Variants in UBE2G1 observed in about 807,000 individuals in gnomAD.
The protein encoded by UBE2G1 is ubiquitin-conjugating enzyme E2 G1.
Under a neutral mutation model 22.7 loss-of-function variants are expected in UBE2G1, and 5 were observed. The ratio of observed to expected loss-of-function variants is 0.22; its 90% CI spans 0.12 to 0.46. The LOEUF is 0.46. Among genes scored for constraint, UBE2G1 ranks in the 20% least tolerant of loss-of-function variants. The pLI, the probability that UBE2G1 is intolerant of heterozygous loss-of-function variation, is 0.99. For synonymous variants in UBE2G1, 74 were observed against 67.5 expected (o/e 1.10, Z -0.47); for missense variants, 88 against 203.9 (o/e 0.43, Z 3.46).
intron 5 of UBE2G1, among the ~76,000 whole-genome samples, chr17:4,273,121 C>T (rs574351903): frequency 1.3e-5 from 2 of 152,342 alleles, no homozygotes; most frequent in East Asian, 1.9e-4. Flanking sequence ...GGCCTCGTAT[C>T]ATCCAGTTAG....
chr17:4,294,640 G>A (rs977865092), intron 3 of UBE2G1, among the ~76,000 whole-genome samples: 5 of 152,102 alleles, frequency 3.3e-5, no homozygotes, highest in Non-Finnish European at 4.4e-5. Context: ...GGCCTGGCGT[G>A]GTAGCTAATG....
intron 1 of UBE2G1, among the ~76,000 whole-genome samples, chr17:4,360,253 AG>A (rs1481419014): frequency 3.3e-5 from 5 of 152,212 alleles, no homozygotes; most frequent in African/African-American, 1.2e-4. Flanking sequence ...TCTAAAAAAA[AG>A]GTTTCAATAA....
chr17:4,363,203 A>G (rs1597270253), intron 1 of UBE2G1, among the ~76,000 whole-genome samples: 2 of 152,232 alleles, frequency 1.3e-5, no homozygotes, highest in East Asian at 1.9e-4. Context: ...TTACATTTCA[A>G]TTAAAATTCA....
At chr17:4,283,741 G>A (rs1598179343) in intron 4 of UBE2G1, among the ~76,000 whole-genome samples, 1 of 152,196 alleles carries the variant, frequency 6.6e-6, no homozygotes, top group Non-Finnish European at 1.5e-5. Flanking sequence ...GGAAAGGGAA[G>A]AGCAGGAGAG....
At chr17:4,351,771 A>T (rs943813014) in intron 1 of UBE2G1, among the ~76,000 whole-genome samples, 1 of 152,206 alleles carries the variant, frequency 6.6e-6, no homozygotes, top group Admixed American at 6.5e-5. Flanking sequence ...CTAGGGTGAA[A>T]GAGTATCAAG....
intron 1 of UBE2G1, among the ~76,000 whole-genome samples, chr17:4,327,519 C>CA (rs1446331523): frequency 6.6e-6 from 1 of 151,900 alleles, no homozygotes; most frequent in Non-Finnish European, 1.5e-5. Context: ...AAGTCAAACT[C>CA]AGAGAGAGAA....
intron 5 of UBE2G1, among the ~76,000 whole-genome samples, chr17:4,280,252 G>C (rs1968871173): frequency 6.6e-6 from 1 of 150,464 alleles, no homozygotes; most frequent in African/African-American, 2.5e-5. Context: ...GGCCAGGCTG[G>C]TCTTGAACTC....
intron 1 of UBE2G1, among the ~76,000 whole-genome samples, chr17:4,360,587 A>T (rs1487932322): frequency 2.0e-5 from 3 of 152,264 alleles, no homozygotes; most frequent in African/African-American, 7.2e-5. Context: ...ATATGGAAAT[A>T]TCACAACATA....
intron 1 of UBE2G1, among the ~76,000 whole-genome samples, chr17:4,362,419 T>C (rs1005350912): frequency 1.3e-5 from 2 of 152,158 alleles, no homozygotes; most frequent in Non-Finnish European, 2.9e-5. Context: ...TACTGGCATC[T>C]AGTGGGTGAA....
At position 4,366,524 on chromosome 17, in the gene UBE2G1, C is replaced by G. The variant is rs1466166151; in HGVS notation, c.-208G>C. 1 of 442,708 alleles carries G rather than the reference C, an allele frequency of 2.3e-6. No homozygotes were observed. Among genetic ancestry groups the G allele is most frequent in the Admixed American group, 4.5e-5 (1 of 22,114 alleles). 27.4% of individuals were successfully genotyped at this position (442,708 alleles called of 1,614,324 possible). On this transcript the variant is annotated 5_prime_UTR_variant, in exon 1 of 6. Transcript: ENST00000396981. ...CAGCTCTTTTCACAGCGACTCACGC[C>G]CGGAAGGGGAGGGTGCCCGGGCTGC...
chr17:4,291,602 C>CT (rs1201002149), intron 3 of UBE2G1, among the ~76,000 whole-genome samples: 1 of 152,086 alleles, frequency 6.6e-6, no homozygotes, highest in Admixed American at 6.5e-5. Flanking sequence ...AGGATCTTTA[C>CT]ATTTTTAACC....
At chr17:4,344,071 G>C (rs1333798220) in intron 1 of UBE2G1, among the ~76,000 whole-genome samples, 4 of 152,134 alleles carry the variant, frequency 2.6e-5, no homozygotes, top group African/African-American at 7.2e-5. Context: ...TTCTAAAACA[G>C]CACTAAGTCC....
rs57051928 is a variant in UBE2G1, at chr17:4,330,976, C to CCACACA, written c.47-23859_47-23854dup. Among the ~76,000 whole-genome samples the CCACACA allele has an allele frequency of 2.3e-3, 335 of 143,656 alleles. 1 individual carries two copies. The highest frequency in any genetic ancestry group is 0.017 in the Middle Eastern group (5 of 290). The allele number at this position is 143,656 out of a possible 152,430, so 94.2% of individuals were successfully genotyped here. On this transcript the variant is annotated intron_variant, in intron 1 of 5. Transcript: ENST00000396981. The stretch of plus-strand genomic sequence containing the variant: ...TAATTACTCTTATAAACCTTTAAAA[C>CCACACA]CACACACACACACACACACACACAC...
intron 1 of UBE2G1, among the ~76,000 whole-genome samples, chr17:4,343,416 A>T (rs1468052385): frequency 6.6e-6 from 1 of 152,008 alleles, no homozygotes; most frequent in Non-Finnish European, 1.5e-5. Context: ...AGGCAGAAGA[A>T]TTGCTTTAAC....
chr17:4,327,650 T>C (rs986176248), intron 1 of UBE2G1, among the ~76,000 whole-genome samples: 1 of 151,648 alleles, frequency 6.6e-6, no homozygotes, highest in Non-Finnish European at 1.5e-5. Flanking sequence ...TAGAATGGAG[T>C]AGTTAAAAAG....
At chr17:4,324,819 C>T (rs1450603449) in intron 1 of UBE2G1, among the ~76,000 whole-genome samples, 6 of 151,706 alleles carry the variant, frequency 4.0e-5, no homozygotes, top group South Asian at 2.1e-4. Flanking sequence ...GGCTCACGCC[C>T]GTAATCCCAG....
In UBE2G1 at chr17:4,338,899, G is replaced by A. The variant is rs140991962; in HGVS notation, c.46+27372C>T. 9.9e-5 allele frequency among the ~76,000 whole-genome samples: 15 copies of A among 152,238 alleles called. No homozygotes were observed. The East Asian group carries it at 1.2e-3, about 12-fold the overall frequency. On this transcript the variant is annotated intron_variant, in intron 1 of 5. Transcript: ENST00000396981. ...CCAAGGAAGGGGCAAGTATCTTAACGACCTGTACAATGACGGTGCTAGTGC... is the reference window on the plus strand; with the variant it reads ...CCAAGGAAGGGGCAAGTATCTTAACAACCTGTACAATGACGGTGCTAGTGC...
chr17:4,361,959 CA>C (rs35792021), intron 1 of UBE2G1, among the ~76,000 whole-genome samples: 886 of 69,070 alleles, frequency 0.013, 4 homozygotes, highest in African/African-American at 0.039. Flanking sequence ...AAGACTGTCT[CA>C]AAAAAAAAAA....
chr17:4,311,902 G>C (rs2143741499), intron 1 of UBE2G1, among the ~76,000 whole-genome samples: 1 of 152,276 alleles, frequency 6.6e-6, no homozygotes, highest in South Asian at 2.1e-4. Context: ...AGGAAATGGT[G>C]ATGGGCTTGG....
Sources: allele counts gnomAD v4.1 joint callset (sites outside exome capture counted in the v4.1 genomes callset), GRCh38; gene constraint gnomAD v4.1.1; transcripts MANE v1.5; gene names NCBI Gene and HGNC (gene_info 2026-07-23, HGNC 2026-07-21).